The following SLC4A5 variants were observed in gnomAD, a reference collection of about 807,000 sequenced individuals.
SLC4A5 encodes the protein solute carrier family 4 member 5.
In SLC4A5, 96 loss-of-function variants were observed where a neutral mutation model predicts 120.4. That is an observed-to-expected ratio of 0.80 (90% CI 0.68 to 0.94). SLC4A5 has a LOEUF of 0.94. Among genes scored for constraint, SLC4A5 ranks in the 40% least tolerant of loss-of-function variants. The pLI, the probability that SLC4A5 is intolerant of heterozygous loss-of-function variation, is 0.00. For missense variants in SLC4A5, 1,259 were observed against 1,459.5 expected (o/e 0.86, Z 2.24); for synonymous variants, 550 against 571.1 (o/e 0.96, Z 0.53).
At chr2:74,308,178 G>C (rs913651330) in intron 6 of SLC4A5, among the ~76,000 whole-genome samples, 1 of 152,232 alleles carries the variant, frequency 6.6e-6, no homozygotes, top group Non-Finnish European at 1.5e-5. Context: ...GAATAGTGCA[G>C]CTCTAAACAT....
At chr2:74,235,733 TCCA>T (rs763691477) in intron 21 of SLC4A5, among the ~76,000 whole-genome samples, 23 of 152,158 alleles carry the variant, frequency 1.5e-4, no homozygotes, top group Non-Finnish European at 7.3e-5. Flanking sequence ...AGACCTTTTG[TCCA>T]CCAAGAGTCT....
At chr2:74,241,249 ATATTAT>A (rs145522219) in intron 20 of SLC4A5, among the ~76,000 whole-genome samples, 94 of 140,770 alleles carry the variant, frequency 6.7e-4, no homozygotes, top group Middle Eastern at 3.7e-3. Context: ...TGTGCGTGTC[ATATTAT>A]TATTATTATT....
chr2:74,307,633 TC>T, intron 6 of SLC4A5: 1 of 954,488 alleles, frequency 1.0e-6, no homozygotes, highest in Non-Finnish European at 1.7e-6. Flanking sequence ...AAGTAATGGC[TC>T]CAGTCTCTGA....
At position 74,227,915 on chromosome 2, in the gene SLC4A5, T is replaced by C. The variant is rs113331404; in HGVS notation, c.2848-37A>G. The stretch of plus-strand genomic sequence containing the variant: ...GCAGAGCTTTGGATCGGCCTCTGCC[T>C]GGGGCGGCCCTTGGCCACCCTGTTC... On this transcript the variant is annotated intron_variant, in intron 25 of 30. Transcript: ENST00000394019. The C allele has an allele frequency of 8.8e-4, 1,353 of 1,540,306 alleles. 10 individuals are homozygous for C. In the African/African-American group the frequency reaches 0.015, roughly 17 times the overall value.
At chr2:74,301,378 C>CA (rs1672472069) in intron 7 of SLC4A5, among the ~76,000 whole-genome samples, 6 of 152,160 alleles carry the variant, frequency 3.9e-5, no homozygotes, top group Non-Finnish European at 8.8e-5. Flanking sequence ...GTGTGCCTGA[C>CA]CCTCAGGCCC....
At chr2:74,333,616 C>T (rs1211103281) in intron 4 of SLC4A5, among the ~76,000 whole-genome samples, 3 of 152,166 alleles carry the variant, frequency 2.0e-5, no homozygotes, top group Admixed American at 6.5e-5. Context: ...GCATAGGTCA[C>T]ATTTTATGTG....
chr2:74,227,325 C>A (rs886064778), intron 26 of SLC4A5, among the ~76,000 whole-genome samples, 195 bp from the exon 27 acceptor site: 1 of 152,054 alleles, frequency 6.6e-6, no homozygotes, highest in Non-Finnish European at 1.5e-5. Flanking sequence ...GGTCCTGAGC[C>A]CTGGGTGAGG....
intron 6 of SLC4A5, among the ~76,000 whole-genome samples, chr2:74,314,695 C>T (rs1350482540): frequency 2.0e-5 from 3 of 152,160 alleles, no homozygotes; most frequent in African/African-American, 7.2e-5. Context: ...AGGTGAGTTA[C>T]ATTTTGTGTT....
chr2:74,314,833 AG>A, intron 6 of SLC4A5, 111 bp downstream of exon 6: 1 of 954,518 alleles, frequency 1.0e-6, no homozygotes, highest in Non-Finnish European at 1.7e-6. Context: ...TGGATGAGTC[AG>A]GAAAAGGGAC....
chr2:74,240,422 T>C (rs1336069367), intron 20 of SLC4A5, among the ~76,000 whole-genome samples: 1 of 152,202 alleles, frequency 6.6e-6, no homozygotes, highest in Non-Finnish European at 1.5e-5. Context: ...TCTACAAATA[T>C]ATTAAAAACA....
intron 7 of SLC4A5, among the ~76,000 whole-genome samples, chr2:74,303,056 G>A (rs1207662278): frequency 6.7e-6 from 1 of 150,202 alleles, no homozygotes; most frequent in Non-Finnish European, 1.5e-5. Flanking sequence ...GCATGTGGAA[G>A]TGTTTTTTTG....
chr2:74,286,806 C>A (rs1057262695), intron 7 of SLC4A5, among the ~76,000 whole-genome samples: 3 of 152,000 alleles, frequency 2.0e-5, no homozygotes, highest in Non-Finnish European at 4.4e-5. Context: ...AAAATGAGAA[C>A]GAGCCACTCT....
intron 6 of SLC4A5, among the ~76,000 whole-genome samples, chr2:74,309,331 T>C (rs892398446): frequency 6.6e-6 from 1 of 152,202 alleles, no homozygotes; most frequent in African/African-American, 2.4e-5. Flanking sequence ...AAAGATCAGC[T>C]GATTATATTT....
Position 74,341,766 on chromosome 2 carries a change from G to C in SLC4A5, c.-270+692C>G, listed in dbSNP as rs144106518. Among the ~76,000 whole-genome samples, 84 of 152,324 alleles carry C rather than the reference G, an allele frequency of 5.5e-4. No homozygotes were observed. In the East Asian group the frequency reaches 0.013, roughly 23 times the overall value. ...AGATGTTGCGGATTGCCCAGACTTA[G>C]AGTAAGAGGGGCAGAAATGAAGTAG... On this transcript the variant is annotated intron_variant, in intron 2 of 30. Coordinates refer to ENST00000394019, the Ensembl canonical transcript of SLC4A5.
At chr2:74,315,086 GAGAA>G in intron 5 of SLC4A5, 61 bp from the exon 6 acceptor site, 1 of 1,386,558 alleles carries the variant, frequency 7.2e-7, no homozygotes, top group East Asian at 2.3e-5. Flanking sequence ...GGATTTCAAG[GAGAA>G]ATGGTCAAAT....
chr2:74,225,386 A>T (rs1315866446), intron 27 of SLC4A5, among the ~76,000 whole-genome samples: 1 of 152,136 alleles, frequency 6.6e-6, no homozygotes, highest in Non-Finnish European at 1.5e-5. Flanking sequence ...GCCTGAGGTC[A>T]GGAGTTTAAG....
At chr2:74,317,193 C>A (rs1175545164) in intron 5 of SLC4A5, among the ~76,000 whole-genome samples, 1 of 152,202 alleles carries the variant, frequency 6.6e-6, no homozygotes, top group Non-Finnish European at 1.5e-5. Context: ...AACATGGCCA[C>A]CTTGCAGGCT....
intron 5 of SLC4A5, among the ~76,000 whole-genome samples, chr2:74,320,221 A>T (rs563602151): frequency 5.0e-4 from 76 of 152,246 alleles, no homozygotes; most frequent in African/African-American, 1.7e-3. Context: ...AAAATAGTGG[A>T]GAGAAAATTA....
exon 22 of SLC4A5, chr2:74,235,136 C>G (rs1279758131): frequency 6.2e-7 from 1 of 1,614,018 alleles, no homozygotes; most frequent in Non-Finnish European, 8.5e-7. Context: ...TTGGGAGTTT[C>G]TAGGCCAAAA....
Sources: gnomAD v4.1 joint callset for allele counts (sites outside exome capture counted in the v4.1 genomes callset) on GRCh38, gnomAD v4.1.1 for gene constraint, MANE v1.5 for transcripts, NCBI Gene and HGNC (gene_info 2026-07-23, HGNC 2026-07-21) for gene names.